The following DHX9 variants were observed in gnomAD, a reference collection of about 807,000 sequenced individuals.
DHX9 encodes the protein DExH-box helicase 9.
In DHX9, 27 loss-of-function variants were observed where a neutral mutation model predicts 148.7. The ratio of observed to expected loss-of-function variants is 0.18; its 90% CI spans 0.13 to 0.25. DHX9 has a LOEUF of 0.25. Ranked by LOEUF, DHX9 falls within the 10% of genes least tolerant of loss-of-function variation. The pLI is 1.00. For missense variants in DHX9, 796 were observed against 1,559.6 expected, an observed-to-expected ratio of 0.51 and a Z score of 8.25; for synonymous variants, 529 against 516.6, an observed-to-expected ratio of 1.02 and a Z score of -0.33.
chr1:182,852,223 T>C lies in DHX9; in HGVS notation c.253-10T>C. The C allele has an allele frequency of 6.3e-7, 1 of 1,591,996 alleles. No individual in the cohort carries two copies. The highest frequency in any genetic ancestry group is 8.5e-7 in the Non-Finnish European group (1 of 1,169,598). On this transcript the variant is annotated splice_polypyrimidine_tract_variant and intron_variant, in intron 3 of 27. Coordinates refer to ENST00000367549, the MANE Select transcript of DHX9 (RefSeq NM_001357.5). Reference sequence around the variant, plus strand: ...AGCACTGACAGCTGCCTTGACTTTTTCTTTTGCAGGTAGCATCTCCGCCCC... The same window carrying C: ...AGCACTGACAGCTGCCTTGACTTTTCCTTTTGCAGGTAGCATCTCCGCCCC...
chr1:182,877,908 A>T (rs1648888574), intron 19 of DHX9, 113 bp from the exon 20 acceptor site: 3 of 1,185,854 alleles, frequency 2.5e-6, no homozygotes, highest in East Asian at 5.2e-5. Flanking sequence ...AATAGACATC[A>T]CAAGTAGGTA....
chr1:182,856,505 TA>T, intron 6 of DHX9, 26 bp from the exon 7 acceptor site: 1 of 1,610,618 alleles, frequency 6.2e-7, no homozygotes, highest in Non-Finnish European at 8.5e-7. Flanking sequence ...GTGAAATTTC[TA>T]ACCTTGCTTG....
chr1:182,879,442 AT>A (rs2102618159), intron 21 of DHX9, 32 bp downstream of exon 21: 2 of 1,404,400 alleles, frequency 1.4e-6, no homozygotes, highest in African/African-American at 1.4e-5. Flanking sequence ...CTTGACGCAG[AT>A]ATTAATCATA....
chr1:182,863,546 A>G (rs1006249979), intron 12 of DHX9, among the ~76,000 whole-genome samples: 6 of 152,218 alleles, frequency 3.9e-5, no homozygotes, highest in African/African-American at 9.6e-5. Context: ...TGTTTTACCT[A>G]TGAGCCTTGC....
At chr1:182,851,011 G>C (rs1432330845) in intron 3 of DHX9, among the ~76,000 whole-genome samples, 1 of 152,240 alleles carries the variant, frequency 6.6e-6, no homozygotes, top group Admixed American at 6.5e-5. Context: ...GTCCTGGAGT[G>C]GCAAGGTGGT....
chr1:182,870,868 G>A (rs962944787), intron 14 of DHX9, among the ~76,000 whole-genome samples: 11 of 152,062 alleles, frequency 7.2e-5, no homozygotes, highest in Admixed American at 5.9e-4. Flanking sequence ...TTTACAACAC[G>A]CAGTTAATTT....
At chr1:182,862,836 C>T (rs184201412) in intron 12 of DHX9, among the ~76,000 whole-genome samples, 1 of 152,112 alleles carries the variant, frequency 6.6e-6, no homozygotes, top group Admixed American at 6.6e-5. Context: ...GATCTCCAAC[C>T]TCTTATGGTA....
intron 7 of DHX9, among the ~76,000 whole-genome samples, chr1:182,857,245 CACTT>C (rs1272944297): frequency 6.6e-6 from 1 of 152,154 alleles, no homozygotes; most frequent in African/African-American, 2.4e-5. Context: ...TCTGTCAGCT[CACTT>C]ACCTTATCGA....
intron 14 of DHX9, 102 bp from the exon 15 acceptor site, chr1:182,872,235 A>G (rs1648580098): frequency 1.0e-6 from 1 of 958,720 alleles, no homozygotes; most frequent in Non-Finnish European, 1.6e-6. Context: ...CATCTAAGAA[A>G]CTGAATTTAA....
intron 3 of DHX9, among the ~76,000 whole-genome samples, chr1:182,848,314 C>T (rs897214212): frequency 6.6e-6 from 1 of 152,220 alleles, no homozygotes; most frequent in African/African-American, 2.4e-5. Flanking sequence ...GTTGTTGTAA[C>T]TCGAGGAGGC....
At chr1:182,851,205 A>C (rs530964919) in intron 3 of DHX9, among the ~76,000 whole-genome samples, 55 of 152,222 alleles carry the variant, frequency 3.6e-4, no homozygotes, top group Non-Finnish European at 5.1e-4. Context: ...AAAAATTCAC[A>C]ATGTACTAAT....
At chr1:182,864,167 A>G (rs889116469) in intron 12 of DHX9, among the ~76,000 whole-genome samples, 5 of 152,214 alleles carry the variant, frequency 3.3e-5, no homozygotes, top group Admixed American at 6.5e-5. Context: ...TGCTCACTGC[A>G]ACCTCAAACT....
chr1:182,852,369 T>TG, intron 4 of DHX9, 25 bp downstream of exon 4: 1 of 1,500,806 alleles, frequency 6.7e-7, no homozygotes, highest in South Asian at 1.2e-5. Flanking sequence ...TCCATGCACG[T>TG]GGTGGAGAAT....
chr1:182,852,033 C>T (rs976035366), intron 3 of DHX9, among the ~76,000 whole-genome samples, 200 bp from the exon 4 acceptor site: 4 of 152,116 alleles, frequency 2.6e-5, no homozygotes, highest in African/African-American at 9.7e-5. Flanking sequence ...AGGTTGTTCC[C>T]AGTGGATTAG....
rs766415804 is a variant in DHX9, at chr1:182,842,688, A to G, written c.111+11A>G. On this transcript the variant is annotated intron_variant, in intron 2 of 27. Transcript: ENST00000367549. ...AAATTCATGTGTGAGGTACTGAAGA[A>G]TACAGTTTGCATTTATGTGATTTAT... The G allele has an allele frequency of 5.6e-6, 9 of 1,593,744 alleles. No individual in the cohort carries two copies. Among genetic ancestry groups the G allele is most frequent in the Admixed American group, 1.7e-5 (1 of 58,186 alleles).
chr1:182,880,428 G>C, intron 21 of DHX9, 69 bp from the exon 22 acceptor site: 8 of 1,023,952 alleles, frequency 7.8e-6, no homozygotes, highest in Non-Finnish European at 3.0e-6. Context: ...CCTTAATTTA[G>C]AGTAATGTTT....
Position 182,880,616 on chromosome 1 carries a change from C to T in DHX9, c.2624+8C>T. ...AATGGGGTGTATTTTCTAGTAAGTGCTTTGTTTTATTTCTCTTCGTTAAGT... is the reference window on the plus strand; with the variant it reads ...AATGGGGTGTATTTTCTAGTAAGTGTTTTGTTTTATTTCTCTTCGTTAAGT... On this transcript the variant is annotated splice_region_variant and intron_variant, in intron 22 of 27. Transcript: ENST00000367549. 2 of 1,556,374 alleles carry T rather than the reference C, an allele frequency of 1.3e-6. No homozygotes were observed. Among genetic ancestry groups the T allele is most frequent in the Non-Finnish European group, 1.8e-6 (2 of 1,128,348 alleles).
At chr1:182,850,309 AAG>A (rs963519872) in intron 3 of DHX9, among the ~76,000 whole-genome samples, 66 of 152,150 alleles carry the variant, frequency 4.3e-4, no homozygotes, top group African/African-American at 1.5e-3. Flanking sequence ...TCTCAAAAAA[AAG>A]AAAAATGGCG....
chr1:182,883,465 G>A lies in DHX9; in HGVS notation c.3145-55G>A, dbSNP rs1649177768. On this transcript the variant is annotated intron_variant, in intron 25 of 27. Coordinates refer to ENST00000367549, the MANE Select transcript of DHX9 (RefSeq NM_001357.5). Reference sequence around the variant, plus strand: ...GATTTTCAAAGCACAGTATATAGCGGTATTTGGAAGTTGGAATGTCAACCA... The same window carrying A: ...GATTTTCAAAGCACAGTATATAGCGATATTTGGAAGTTGGAATGTCAACCA... 31 of 1,572,202 alleles carry A rather than the reference G, an allele frequency of 2.0e-5. 2 individuals carry two copies. In the South Asian group the frequency reaches 3.1e-4, roughly 16 times the overall value.
Sources: gnomAD v4.1 joint callset for allele counts (sites outside exome capture counted in the v4.1 genomes callset) on GRCh38, gnomAD v4.1.1 for gene constraint, MANE v1.5 for transcripts, NCBI Gene and HGNC (gene_info 2026-07-23, HGNC 2026-07-21) for gene names.